Variants in NPPA observed in about 807,000 individuals in gnomAD.
NPPA encodes natriuretic peptide A.
A neutral mutation model predicts 12.2 loss-of-function variants in NPPA; 10 were observed. The observed-to-expected ratio is 0.82, with a 90% CI of 0.50 to 1.38. NPPA has a LOEUF of 1.38. NPPA is among the 40% of genes most tolerant of loss of function. The pLI is 0.00. For missense variants in NPPA, 207 were observed against 193.5 expected (o/e 1.07, Z -0.41); for synonymous variants, 85 against 80.2 (o/e 1.06, Z -0.32).
rs1200362049 is a variant in NPPA at position 11,845,715 on chromosome 1, T to G, written c.*294A>C. On this transcript the variant is annotated 3_prime_UTR_variant, in exon 3 of 3. Transcript: ENST00000376480. ...AAGCACACCAACGCAGGCATTTGTC[T>G]TCTGTCCATGGTGCTGAAGTTTATT... 1 of 432,046 alleles carries G rather than the reference T, an allele frequency of 2.3e-6. No homozygotes were observed. Among genetic ancestry groups the G allele is most frequent in the African/African-American group, 2.0e-5 (1 of 50,916 alleles). The allele number at this position is 432,046 out of a possible 1,614,324, so 26.8% of individuals were successfully genotyped here. A position where few individuals can be genotyped will look rare whatever the true frequency, so the allele number is the denominator to read the frequency against.
chr1:11,847,089 A>G, intron 2 of NPPA, 24 bp downstream of exon 2: 14 of 1,514,678 alleles, frequency 9.2e-6, no homozygotes, highest in Non-Finnish European at 1.2e-5. Flanking sequence ...ATCCCATCCC[A>G]TTTCCATCCC....
intron 2 of NPPA, among the ~76,000 whole-genome samples, chr1:11,846,818 G>T (rs557437375): frequency 4.0e-5 from 6 of 151,404 alleles, no homozygotes; most frequent in African/African-American, 1.5e-4. Context: ...GTTTCACCAT[G>T]TTGGCCAGGA....
At chr1:11,846,980 A>G (rs1250155623) in intron 2 of NPPA, 133 bp downstream of exon 2, 3 of 561,234 alleles carry the variant, frequency 5.3e-6, no homozygotes, top group African/African-American at 3.9e-5. Flanking sequence ...GCATGTCCTG[A>G]CACCCATGGG....
In NPPA at chr1:11,847,201, G is replaced by T. The variant is rs943004935; in HGVS notation, c.362C>A (p.Ala121Asp). ...GCTGGATCTCCGCAGGCTCCGAGGG[G>T]CAGTGAGCAGCGCCCTCAGCTTGCT... is the stretch of plus-strand genomic sequence containing the variant. ...LKSKLRALLT[A>D]PRSLRRSSCF... The change falls in exon 2 of 3, where the codon GCC becomes GAC. Residue 121 changes from alanine (A) to aspartate (D), a missense_variant. By Grantham distance (126) the Ala-to-Asp change is moderately radical. Transcript: ENST00000376480. 3 of 1,609,288 alleles carry T rather than the reference G, an allele frequency of 1.9e-6. No homozygotes were observed. The highest frequency in any genetic ancestry group is 2.6e-6 in the Non-Finnish European group (3 of 1,176,158).
intron 2 of NPPA, 117 bp from the exon 3 acceptor site, chr1:11,846,131 G>A (rs1404804749): frequency 2.4e-5 from 23 of 968,864 alleles, no homozygotes; most frequent in Admixed American, 3.4e-5. Context: ...GCTTCCCACC[G>A]GCCCCCACCC....
At position 11,845,924 on chromosome 1, in the gene NPPA, A is replaced by G. The variant is rs5067; in HGVS notation, c.*85T>C. 0.15 allele frequency: 198,251 copies of G among 1,338,838 alleles called. 18,007 individuals are homozygous for G. Among genetic ancestry groups the G allele is most frequent in the African/African-American group, 0.4 (27,914 of 69,182 alleles). The allele number at this position is 1,338,838 out of a possible 1,614,324, so 82.9% of individuals were successfully genotyped here. A position where few individuals can be genotyped will look rare whatever the true frequency, so the allele number is the denominator to read the frequency against. ...CAACTCCATGGCAACAAGATGACAC[A>G]AATGCAGCAGAGACCCCAGGGGACA... On this transcript the variant is annotated 3_prime_UTR_variant, in exon 3 of 3. Transcript: ENST00000376480.
chr1:11,846,157 C>T, intron 2 of NPPA, 143 bp from the exon 3 acceptor site: 2 of 813,172 alleles, frequency 2.5e-6, no homozygotes, highest in Admixed American at 3.5e-5. Context: ...TGATGACCCT[C>T]TGAGCTTCAT....
Position 11,847,386 on chromosome 1 carries a change from G to C in NPPA, c.177C>G (p.Pro59=). Residue 59 remains proline (P), a synonymous_variant, in exon 2 of 3, where the codon CCC becomes CCG. Transcript: ENST00000376480. The part of the protein sequence containing the change: ...EKMPLEDEVV[P]PQVLSEPNEE... ...CATTCGGCTCACTGAGCACTTGTGG[G>C]GGCACGACCTCATCTTCTAAAGGCA... is the stretch of plus-strand genomic sequence containing the variant. 1 of 1,614,024 alleles carries C rather than the reference G, an allele frequency of 6.2e-7. No individual in the cohort carries two copies. Among genetic ancestry groups the C allele is most frequent in the Non-Finnish European group, 8.5e-7 (1 of 1,179,974 alleles).
Position 11,847,743 on chromosome 1 carries a change from T to C in NPPA, c.-59A>G. The C allele has an allele frequency of 1.2e-6, 2 of 1,612,300 alleles. No homozygotes were observed. Among genetic ancestry groups the C allele is most frequent in the Non-Finnish European group, 1.7e-6 (2 of 1,179,610 alleles). On this transcript the variant is annotated 5_prime_UTR_variant, in exon 1 of 3. Coordinates refer to ENST00000376480, the MANE Select transcript of NPPA (RefSeq NM_006172.4). ...TGCTCTGTCTCTCCCCTCTGGTTCC[T>C]CTCTGGTTCCCCTCTCTTGGCCTAC...
chr1:11,845,978 C>A lies in NPPA; in HGVS notation c.*31G>T. 6.2e-7 allele frequency: 1 copy of A among 1,612,696 alleles called. No homozygotes were observed. Among genetic ancestry groups the A allele is most frequent in the South Asian group, 1.1e-5 (1 of 91,044 alleles). On this transcript the variant is annotated 3_prime_UTR_variant, in exon 3 of 3. Coordinates refer to ENST00000376480, the MANE Select transcript of NPPA (RefSeq NM_006172.4). Reference sequence around the variant, plus strand: ...GCCTCTTGCAGTCTGTCCCTAGGCCCAGCCCTGCTTGTCCTCCCTGGCTGT... The same window carrying A: ...GCCTCTTGCAGTCTGTCCCTAGGCCAAGCCCTGCTTGTCCTCCCTGGCTGT...
rs147962789 is a variant in NPPA at position 11,847,562 on chromosome 1, C to G, written c.123G>C (p.Lys41Asn). ...AVSNADLMDF[K>N]NLLDHLEEKM... Reference sequence around the variant, plus strand: ...ACTGCACCCGCTTTCCTGGCCCTACCTTGAAATCCATCAGGTCTGCGTTGG... The same window carrying G: ...ACTGCACCCGCTTTCCTGGCCCTACGTTGAAATCCATCAGGTCTGCGTTGG... Residue 41 changes from lysine to asparagine, a missense_variant and splice_region_variant, in exon 1 of 3, where the codon AAG becomes AAC. Lys to Asn is a moderately conservative substitution (Grantham distance 94, BLOSUM62 0). Coordinates refer to ENST00000376480, the MANE Select transcript of NPPA (RefSeq NM_006172.4). 1.2e-5 allele frequency: 20 copies of G among 1,614,058 alleles called. No individual in the cohort carries two copies. Among genetic ancestry groups the G allele is most frequent in the Non-Finnish European group, 1.6e-5 (19 of 1,180,040 alleles).
Position 11,847,316 on chromosome 1 carries a change from A to G in NPPA, c.247T>C (p.Trp83Arg), listed in dbSNP as rs1429714737. 2 of 1,613,494 alleles carry G rather than the reference A, an allele frequency of 1.2e-6. No individual in the cohort carries two copies. The highest frequency in any genetic ancestry group is 1.3e-5 in the African/African-American group (1 of 74,934). Residue 83 changes from tryptophan (W) to arginine (R), a missense_variant, in exon 2 of 3, where the codon TGG becomes CGG. Transcript: ENST00000376480. ...TGGGCTGGGCTGACTTCCCCGGTCCAGGGAGGCACCTCAGGGAGGGGGCTG... is the reference window on the plus strand; with the variant it reads ...TGGGCTGGGCTGACTTCCCCGGTCCGGGGAGGCACCTCAGGGAGGGGGCTG... ...ALSPLPEVPPWTGEVSPAQRD... is the reference protein window; with the variant it reads ...ALSPLPEVPPRTGEVSPAQRD...
intron 2 of NPPA, among the ~76,000 whole-genome samples, chr1:11,846,356 G>C: frequency 8.2e-6 from 1 of 122,128 alleles, no homozygotes; most frequent in African/African-American, 3.3e-5. Context: ...GTCTTGCTCT[G>C]TCGCCCAGGC....
At position 11,845,957 on chromosome 1, in the gene NPPA, C is replaced by T. The variant is rs1645065444; in HGVS notation, c.*52G>A. The T allele has an allele frequency of 1.3e-6, 2 of 1,591,806 alleles. No homozygotes were observed. The highest frequency in any genetic ancestry group is 2.2e-5 in the East Asian group (1 of 44,774). On this transcript the variant is annotated 3_prime_UTR_variant, in exon 3 of 3. Coordinates refer to ENST00000376480, the MANE Select transcript of NPPA (RefSeq NM_006172.4). ...CAGAGACCCCAGGGGACAGGAGCCT[C>T]TTGCAGTCTGTCCCTAGGCCCAGCC... is the stretch of plus-strand genomic sequence containing the variant.
intron 2 of NPPA, 39 bp downstream of exon 2, chr1:11,847,074 T>A (rs1302236055): frequency 2.7e-6 from 4 of 1,498,218 alleles, no homozygotes. Flanking sequence ...CTCCCAGTAG[T>A]GTCCATCCCA....
At chr1:11,847,490 G>A in intron 1 of NPPA, 51 bp from the exon 2 acceptor site, 3 of 1,613,934 alleles carry the variant, frequency 1.9e-6, no homozygotes, top group Non-Finnish European at 2.5e-6. Context: ...TGACTTGGAG[G>A]AAATCAAGAG....
rs779265393 is a variant in NPPA at position 11,847,384 on chromosome 1, G to C, written c.179C>G (p.Pro60Arg). The C allele has an allele frequency of 3.1e-6, 5 of 1,614,022 alleles. No homozygotes were observed. In the Admixed American group the frequency reaches 5.0e-5, roughly 16 times the overall value. ...TTCATTCGGCTCACTGAGCACTTGT[G>C]GGGGCACGACCTCATCTTCTAAAGG... ...KMPLEDEVVP[P>R]QVLSEPNEEA... The change falls in exon 2 of 3, where the codon CCA becomes CGA. Residue 60 changes from proline (P) to arginine (R), a missense_variant. Physicochemically the swap from Pro to Arg is moderately radical, Grantham distance 103. Transcript: ENST00000376480.
At position 11,847,376 on chromosome 1, in the gene NPPA, G is replaced by A; in HGVS notation, c.187C>T (p.Leu63Phe). The A allele has an allele frequency of 6.2e-7, 1 of 1,614,010 alleles. No individual in the cohort carries two copies. Among genetic ancestry groups the A allele is most frequent in the Non-Finnish European group, 8.5e-7 (1 of 1,179,972 alleles). Residue 63 changes from leucine to phenylalanine, a missense_variant, in exon 2 of 3, where the codon CTC becomes TTC. Coordinates refer to ENST00000376480, the MANE Select transcript of NPPA (RefSeq NM_006172.4). The stretch of plus-strand genomic sequence containing the variant: ...CCCGCTTCTTCATTCGGCTCACTGA[G>A]CACTTGTGGGGGCACGACCTCATCT... ...LEDEVVPPQV[L>F]SEPNEEAGAA...
chr1:11,845,742 A>G lies in NPPA; in HGVS notation c.*267T>C, dbSNP rs1645063597. The stretch of plus-strand genomic sequence containing the variant: ...CTGTCCATGGTGCTGAAGTTTATTC[A>G]CTTTCAAACCACTTTCAGTAACAGG... On this transcript the variant is annotated 3_prime_UTR_variant, in exon 3 of 3. Coordinates refer to ENST00000376480, the MANE Select transcript of NPPA (RefSeq NM_006172.4). 4 of 498,596 alleles carry G rather than the reference A, an allele frequency of 8.0e-6. No individual in the cohort carries two copies. Among genetic ancestry groups the G allele is most frequent in the South Asian group, 5.1e-5 (2 of 39,108 alleles). 30.9% of individuals were successfully genotyped at this position (498,596 alleles called of 1,614,324 possible). A position where few individuals can be genotyped will look rare whatever the true frequency, so the allele number is the denominator to read the frequency against.
Sources: allele counts gnomAD v4.1 joint callset (sites outside exome capture counted in the v4.1 genomes callset), GRCh38; gene constraint gnomAD v4.1.1; transcripts MANE v1.5; gene names NCBI Gene and HGNC (gene_info 2026-07-23, HGNC 2026-07-21).